The following C14orf39 variants were observed in gnomAD, a reference collection of about 807,000 sequenced individuals.
The protein encoded by C14orf39 is chromosome 14 open reading frame 39, also known as protein SIX6OS1.
Under a neutral mutation model 85.6 loss-of-function variants are expected in C14orf39, and 66 were observed. The ratio of observed to expected loss-of-function variants is 0.77; its 90% confidence interval spans 0.63 to 0.95. The LOEUF (loss-of-function observed/expected upper bound fraction) is 0.95, where lower values mean the gene tolerates loss of function less well. C14orf39 is among the 40% of genes least tolerant of loss of function. The pLI is 0.00. For synonymous variants in C14orf39, 242 were observed against 214.0 expected, an observed-to-expected ratio of 1.13 and a Z score of -1.14; for missense variants, 735 against 663.9, an observed-to-expected ratio of 1.11 and a Z score of -1.18.
chr14:60,507,708 C>T (rs1245796943), intron 1 of C14orf39, among the ~76,000 whole-genome samples: 1 of 152,154 alleles, frequency 6.6e-6, no homozygotes, highest in South Asian at 2.1e-4. Flanking sequence ...TCTGTGCTAT[C>T]TATCTGCCTT....
exon 2 of C14orf39, chr14:60,499,412 T>C (rs993604006): frequency 1.3e-5 from 2 of 152,248 alleles, no homozygotes; most frequent in Non-Finnish European, 2.9e-5. Flanking sequence ...TAGTATGTGA[T>C]ACAGGTGGCG....
chr14:60,462,298 A>G (rs1891569059), intron 11 of C14orf39, among the ~76,000 whole-genome samples: 2 of 152,062 alleles, frequency 1.3e-5, no homozygotes, highest in South Asian at 4.1e-4. Flanking sequence ...TTGAGGTGGG[A>G]TGATCCATTG....
chr14:60,446,104 A>G (rs1890752495), intron 16 of C14orf39, among the ~76,000 whole-genome samples: 1 of 152,222 alleles, frequency 6.6e-6, no homozygotes, highest in Non-Finnish European at 1.5e-5. Context: ...CTCCCAAGAG[A>G]AAGCAGGAAA....
At chr14:60,503,904 T>C (rs1165735994) in intron 1 of C14orf39, among the ~76,000 whole-genome samples, 1 of 152,240 alleles carries the variant, frequency 6.6e-6, no homozygotes, top group Admixed American at 6.5e-5. Context: ...TAGCAGGTTT[T>C]GTATGTCTGT....
chr14:60,461,401 G>A lies in C14orf39; in HGVS notation c.1070C>T (p.Pro357Leu), dbSNP rs578100605. ...CTGATTGGAATTTGATTGTTTCTGT[G>A]GGGTTAACAATCTAAAATGGAATAA... ...QKFMQVRLLT[P>L]QKQSNSNQWS... Residue 357 changes from proline (P) to leucine (L), a missense_variant, in exon 13 of 18, where the codon CCA becomes CTA. Transcript: ENST00000321731. The A allele has an allele frequency of 1.9e-6, 3 of 1,608,576 alleles. No homozygotes were observed. The highest frequency in any genetic ancestry group is 1.7e-5 in the Admixed American group (1 of 59,770).
chr14:60,511,177 G>C, intron 1 of C14orf39: 2 of 1,611,810 alleles, frequency 1.2e-6, no homozygotes, highest in South Asian at 2.2e-5. Flanking sequence ...CCACCAGCCC[G>C]GCCGCCAGTC....
At chr14:60,453,936 G>A (rs1223446968) in intron 16 of C14orf39, among the ~76,000 whole-genome samples, 1 of 151,596 alleles carries the variant, frequency 6.6e-6, no homozygotes, top group Admixed American at 6.6e-5. Context: ...ACTTTTTTCA[G>A]TAGTTTTGTA....
intron 17 of C14orf39, among the ~76,000 whole-genome samples, chr14:60,440,210 T>C (rs996906749): frequency 2.0e-5 from 3 of 152,242 alleles, no homozygotes; most frequent in African/African-American, 4.8e-5. Context: ...CTCCATCTCA[T>C]TGAATTCGAA....
intron 4 of C14orf39, among the ~76,000 whole-genome samples, chr14:60,479,916 A>G (rs1225392624): frequency 6.6e-6 from 1 of 152,166 alleles, no homozygotes. Context: ...CTATCATTAT[A>G]AAAAGGCTGA....
In C14orf39 at chr14:60,436,843, G is replaced by C; in HGVS notation, c.*2C>G. 3 of 1,584,490 alleles carry C rather than the reference G, an allele frequency of 1.9e-6. No homozygotes were observed. The highest frequency in any genetic ancestry group is 1.7e-6 in the Non-Finnish European group (2 of 1,158,224). ...AAATAATTTAAGGAATTAATGACTA[G>C]CTCAAAAAAAAGTAAACTGTGTTGT... On this transcript the variant is annotated 3_prime_UTR_variant, in exon 18 of 18. Transcript: ENST00000321731.
intron 1 of C14orf39, chr14:60,509,456 A>G: frequency 6.2e-7 from 1 of 1,600,058 alleles, no homozygotes; most frequent in Non-Finnish European, 8.5e-7. Context: ...GGTATGTGAG[A>G]CCCTGGAAGA....
In C14orf39 at chr14:60,485,059, A is replaced by G; in HGVS notation, c.20T>C (p.Val7Ala). The change falls in exon 2 of 18, where the codon GTC becomes GCC. Residue 7 changes from valine to alanine, a missense_variant. Transcript: ENST00000321731. ...TTCTAGCAAAAGTCTGTCCAAACTGACAAACAGGCTGTCATTCATCTTGGA... is the reference window on the plus strand; with the variant it reads ...TTCTAGCAAAAGTCTGTCCAAACTGGCAAACAGGCTGTCATTCATCTTGGA... MNDSLF[V>A]SLDRLLLEFV... The G allele has an allele frequency of 6.2e-7, 1 of 1,609,272 alleles. No individual in the cohort carries two copies. The highest frequency in any genetic ancestry group is 8.5e-7 in the Non-Finnish European group (1 of 1,179,088).
chr14:60,509,288 G>A, intron 1 of C14orf39: 1 of 942,356 alleles, frequency 1.1e-6, no homozygotes, highest in Non-Finnish European at 1.7e-6. Flanking sequence ...GTGTCCCGCT[G>A]CCCCAATCCG....
rs182780514 is a variant in C14orf39, at chr14:60,481,666, T to C, written c.233+2025A>G. Among the ~76,000 whole-genome samples the C allele has an allele frequency of 1.3e-3, 205 of 152,298 alleles. 1 individual carries two copies. The highest frequency in any genetic ancestry group is 2.4e-3 in the Non-Finnish European group (163 of 68,016). ...CAGCAAAACTCAGAGGCAAAAATAA[T>C]AGCATTTAATTATTGCTTTAATTTA... On this transcript the variant is annotated intron_variant, in intron 4 of 17. Coordinates refer to ENST00000321731, the MANE Select transcript of C14orf39 (RefSeq NM_174978.3).
At chr14:60,448,626 T>C (rs1324683862) in intron 16 of C14orf39, among the ~76,000 whole-genome samples, 1 of 152,180 alleles carries the variant, frequency 6.6e-6, no homozygotes, top group African/African-American at 2.4e-5. Flanking sequence ...AGTGTGGCAA[T>C]TCCTCAAGGA....
chr14:60,485,116 AT>A, intron 1 of C14orf39, 30 bp from the exon 2 acceptor site: 4 of 1,563,622 alleles, frequency 2.6e-6, no homozygotes, highest in Non-Finnish European at 3.5e-6. Flanking sequence ...AAATTATAAG[AT>A]TTTCTGAAGT....
intron 2 of C14orf39, chr14:60,496,515 TG>T: frequency 4.2e-6 from 1 of 238,856 alleles, no homozygotes. Context: ...CTGCTTGGAC[TG>T]GGTGGCTGGT....
intron 4 of C14orf39, 117 bp downstream of exon 4, chr14:60,483,574 T>C (rs1892739539): frequency 1.1e-5 from 9 of 846,506 alleles, no homozygotes; most frequent in African/African-American, 1.8e-5. Flanking sequence ...CAAGGCACAT[T>C]AAGACTTGAT....
At chr14:60,506,154 T>A (rs1893200959) in intron 1 of C14orf39, among the ~76,000 whole-genome samples, 1 of 152,060 alleles carries the variant, frequency 6.6e-6, no homozygotes, top group South Asian at 2.1e-4. Flanking sequence ...GTCCAAGACC[T>A]CATGTCCCAA....
Sources: gnomAD v4.1 joint callset for allele counts (sites outside exome capture counted in the v4.1 genomes callset) on GRCh38, gnomAD v4.1.1 for gene constraint, MANE v1.5 for transcripts, NCBI Gene and HGNC (gene_info 2026-07-23, HGNC 2026-07-21) for gene names.